ADAMTS8: variants seen among roughly 807,000 people sequenced by gnomAD.
ADAMTS8 encodes ADAM metallopeptidase with thrombospondin type 1 motif 8, also known as A disintegrin and metalloproteinase with thrombospondin motifs 8.
Under a neutral mutation model 64.4 loss-of-function variants are expected in ADAMTS8, and 50 were observed. The observed-to-expected ratio is 0.78, with a 90% CI of 0.62 to 0.98. The LOEUF is 0.98. Among genes scored for constraint, ADAMTS8 ranks in the 50% least tolerant of loss-of-function variants. ADAMTS8 has a pLI of 0.00. For synonymous variants in ADAMTS8, 556 were observed against 533.6 expected (o/e 1.04, Z -0.58); for missense variants, 1,192 against 1,208.2 (o/e 0.99, Z 0.20).
chr11:130,412,283 G>A (rs980240616), intron 5 of ADAMTS8, among the ~76,000 whole-genome samples: 4 of 152,120 alleles, frequency 2.6e-5, no homozygotes, highest in East Asian at 1.9e-4. Context: ...GCGTGATCTC[G>A]GCTCACTGCA....
intron 1 of ADAMTS8, among the ~76,000 whole-genome samples, chr11:130,422,394 C>T (rs554456228): frequency 2.0e-5 from 3 of 152,262 alleles, no homozygotes; most frequent in African/African-American, 2.4e-5. Context: ...AAGCCAGCTG[C>T]GGTGGGTGAT....
At chr11:130,419,371 A>G (rs910647870) in intron 1 of ADAMTS8, 79 bp from the exon 2 acceptor site, 29 of 1,575,852 alleles carry the variant, frequency 1.8e-5, no homozygotes, top group African/African-American at 2.7e-5. Flanking sequence ...CGCTGCCATC[A>G]CCTCTTGTTA....
intron 5 of ADAMTS8, among the ~76,000 whole-genome samples, chr11:130,413,366 G>C (rs1861976888): frequency 1.3e-5 from 2 of 152,154 alleles, no homozygotes; most frequent in African/African-American, 4.8e-5. Flanking sequence ...CATGAATCCT[G>C]CACCAGCTCA....
chr11:130,417,200 T>C, intron 2 of ADAMTS8, 125 bp from the exon 3 acceptor site: 2 of 982,990 alleles, frequency 2.0e-6, no homozygotes, highest in Admixed American at 2.3e-5. Context: ...ATAACATGTT[T>C]GCTGGCCTGT....
chr11:130,405,179 G>T lies in ADAMTS8; in HGVS notation c.*379C>A. ...CTCTCTTGTACTAATTTTTTCCCCT[G>T]TGAGGTAGATTATTTATCGGGGAAA... On this transcript the variant is annotated 3_prime_UTR_variant, in exon 9 of 9. Transcript: ENST00000257359. 9.8e-7 allele frequency: 1 copy of T among 1,015,614 alleles called. No homozygotes were observed. Among genetic ancestry groups the T allele is most frequent in the Non-Finnish European group, 1.2e-6 (1 of 849,674 alleles). 62.9% of individuals were successfully genotyped at this position (1,015,614 alleles called of 1,614,324 possible).
chr11:130,416,346 T>C lies in ADAMTS8; in HGVS notation c.1097-16A>G. The C allele has an allele frequency of 6.5e-7, 1 of 1,547,238 alleles. No homozygotes were observed. Among genetic ancestry groups the C allele is most frequent in the Non-Finnish European group, 8.7e-7 (1 of 1,145,732 alleles). Reference sequence around the variant, plus strand: ...AGGACGTGCCCTGGGGAGAGAGGCCTGGTCCACTCCGCCCTGTCCTGCCTG... The same window carrying C: ...AGGACGTGCCCTGGGGAGAGAGGCCCGGTCCACTCCGCCCTGTCCTGCCTG... On this transcript the variant is annotated splice_polypyrimidine_tract_variant and intron_variant, in intron 3 of 8. Transcript: ENST00000257359. This position sits in a 1 kb window ranked among gnomAD's most constrained non-coding sequence, Gnocchi z 4.8.
Position 130,411,560 on chromosome 11 carries a change from C to T in ADAMTS8, c.1607G>A (p.Gly536Glu), listed in dbSNP as rs1167200802. 2 of 1,614,048 alleles carry T rather than the reference C, an allele frequency of 1.2e-6. No homozygotes were observed. The highest frequency in any genetic ancestry group is 1.7e-6 in the Non-Finnish European group (2 of 1,180,038). ...DGGWAPWGPW[G>E]ECSRTCGGGV... Reference sequence around the variant, plus strand: ...TCCTCCACAGGTCCGAGAACATTCTCCCCAGGGTCCCCACGGTGCCCAGCC... The same window carrying T: ...TCCTCCACAGGTCCGAGAACATTCTTCCCAGGGTCCCCACGGTGCCCAGCC... Residue 536 changes from glycine (G) to glutamate (E), a missense_variant, in exon 6 of 9, where the codon GGA becomes GAA. By Grantham distance (98) the Gly-to-Glu change is moderately conservative. Around this residue, in one of 5 missense-constraint regions of ADAMTS8, gnomAD observed 290 missense variants for 297.8 expected, o/e 0.97. Transcript: ENST00000257359. The surrounding 1 kb of genome is among the most constrained non-coding windows in gnomAD (Gnocchi z 4.2).
rs1276399979 is a variant in ADAMTS8, at chr11:130,411,644, A to G, written c.1567-44T>C. 1 of 1,600,584 alleles carries G rather than the reference A, an allele frequency of 6.2e-7. No individual in the cohort carries two copies. Among genetic ancestry groups the G allele is most frequent in the South Asian group, 1.1e-5 (1 of 89,700 alleles). On this transcript the variant is annotated intron_variant, in intron 5 of 8. Transcript: ENST00000257359. This position sits in a 1 kb window ranked among gnomAD's most constrained non-coding sequence, Gnocchi z 4.2. ...CACTGAATGAGGAGCAAAGGCCAGG[A>G]GGCTTCAGTATCTGTGTCACTGGGT...
chr11:130,413,414 C>T (rs1025614834), intron 5 of ADAMTS8, among the ~76,000 whole-genome samples: 3 of 152,176 alleles, frequency 2.0e-5, no homozygotes, highest in Non-Finnish European at 1.5e-5. Flanking sequence ...CTGGTGCAGG[C>T]GGGCTCCCAA....
intron 1 of ADAMTS8, among the ~76,000 whole-genome samples, chr11:130,422,642 A>C (rs1037766754): frequency 2.0e-5 from 3 of 152,338 alleles, no homozygotes; most frequent in Non-Finnish European, 4.4e-5. Context: ...AGAGGAGAAA[A>C]GAGCAACCTG....
chr11:130,416,034 G>T lies in ADAMTS8; in HGVS notation c.1264+129C>A. On this transcript the variant is annotated intron_variant, in intron 4 of 8. Coordinates refer to ENST00000257359, the MANE Select transcript of ADAMTS8 (RefSeq NM_007037.6). The surrounding 1 kb of genome is among the most constrained non-coding windows in gnomAD (Gnocchi z 4.8). ...CTTCGGGGGTGGTGTGAATGCCCCA[G>T]CGTGGGAGGCTGGCCGGGGACTCAG... 1 of 1,141,032 alleles carries T rather than the reference G, an allele frequency of 8.8e-7. No individual in the cohort carries two copies. Among genetic ancestry groups the T allele is most frequent in the Non-Finnish European group, 1.2e-6 (1 of 834,978 alleles). The allele number at this position is 1,141,032 out of a possible 1,614,324, so 70.7% of individuals were successfully genotyped here. A position where few individuals can be genotyped will look rare whatever the true frequency, so the allele number is the denominator to read the frequency against.
chr11:130,408,691 C>G (rs975210440), intron 7 of ADAMTS8, 52 bp from the exon 8 acceptor site: 1 of 1,611,578 alleles, frequency 6.2e-7, no homozygotes, highest in African/African-American at 1.3e-5. Flanking sequence ...ACAGAAGCAG[C>G]CTGCCGGGGG....
Position 130,428,173 on chromosome 11 carries a change from C to G in ADAMTS8, c.114G>C (p.Ser38=). The G allele has an allele frequency of 7.3e-7, 1 of 1,371,418 alleles. No homozygotes were observed. The allele number at this position is 1,371,418 out of a possible 1,614,324, so 85.0% of individuals were successfully genotyped here. A position where few individuals can be genotyped will look rare whatever the true frequency, so the allele number is the denominator to read the frequency against. ...PARPAAGGQA[S]ELVVPTRLPG... is the part of the protein sequence containing the mutation. Reference sequence around the variant, plus strand: ...GCAACCGCGTGGGCACCACCAGCTCCGAGGCCTGCCCCCCGGCTGCGGGCC... The same window carrying G: ...GCAACCGCGTGGGCACCACCAGCTCGGAGGCCTGCCCCCCGGCTGCGGGCC... Residue 38 remains serine (S), a synonymous_variant, in exon 1 of 9, where the codon TCG becomes TCC. Transcript: ENST00000257359.
intron 1 of ADAMTS8, among the ~76,000 whole-genome samples, chr11:130,426,273 C>G (rs1862165763): frequency 1.3e-5 from 2 of 152,054 alleles, no homozygotes; most frequent in African/African-American, 4.8e-5. Flanking sequence ...CCTACCCTGC[C>G]TTTCCCAGTG....
chr11:130,415,030 G>A (rs1008675041), intron 4 of ADAMTS8, among the ~76,000 whole-genome samples, 198 bp from the exon 5 acceptor site: 2 of 152,204 alleles, frequency 1.3e-5, no homozygotes, highest in African/African-American at 2.4e-5. Context: ...CTTCAGGACC[G>A]ACTTTCCTTT....
intron 4 of ADAMTS8, among the ~76,000 whole-genome samples, 186 bp downstream of exon 4, chr11:130,415,977 C>T (rs999268686): frequency 1.3e-5 from 2 of 152,232 alleles, no homozygotes; most frequent in Non-Finnish European, 2.9e-5. Context: ...GCGCAGAACT[C>T]GGCTGCTGGA....
At position 130,405,630 on chromosome 11, in the gene ADAMTS8, G is replaced by A; in HGVS notation, c.2598C>T (p.Ala866=). 1 of 1,613,794 alleles carries A rather than the reference G, an allele frequency of 6.2e-7. No individual in the cohort carries two copies. Among genetic ancestry groups the A allele is most frequent in the South Asian group, 1.1e-5 (1 of 91,066 alleles). ...TCAGAGCCTTGTTGCAGGTGGCAGAGGCCTGGCCGGAGGGGTCCCTGCACT... is the reference window on the plus strand; with the variant it reads ...TCAGAGCCTTGTTGCAGGTGGCAGAAGCCTGGCCGGAGGGGTCCCTGCACT... ...TVECRDPSGQ[A]SATCNKALKP... is the part of the protein sequence containing the mutation. Residue 866 remains alanine, a synonymous_variant, in exon 9 of 9, where the codon GCC becomes GCT. Coordinates refer to ENST00000257359, the MANE Select transcript of ADAMTS8 (RefSeq NM_007037.6).
Position 130,419,134 on chromosome 11 carries a change from G to A in ADAMTS8, c.879C>T (p.Phe293=). ...GGTTGAAACGCCGCTGCCAGTTGCAGAAGTTACGCAGTGTAAGCCCCCCAT... is the reference window on the plus strand; with the variant it reads ...GGTTGAAACGCCGCTGCCAGTTGCAAAAGTTACGCAGTGTAAGCCCCCCAT... ...SDNGGLTLRN[F]CNWQRRFNQP... is the part of the protein sequence containing the mutation. Residue 293 remains phenylalanine (F), a synonymous_variant, in exon 2 of 9, where the codon TTC becomes TTT. Coordinates refer to ENST00000257359, the MANE Select transcript of ADAMTS8 (RefSeq NM_007037.6). The A allele has an allele frequency of 6.2e-7, 1 of 1,614,236 alleles. No homozygotes were observed. The highest frequency in any genetic ancestry group is 1.1e-5 in the South Asian group (1 of 91,088).
chr11:130,414,701 T>C lies in ADAMTS8; in HGVS notation c.1396A>G (p.Thr466Ala), dbSNP rs200212101. 1,838 of 1,613,710 alleles carry C rather than the reference T, an allele frequency of 1.1e-3. 13 individuals carry two copies. Among genetic ancestry groups the C allele is most frequent in the Non-Finnish European group, 8.1e-4 (954 of 1,180,000 alleles). ...FGPDFRHCPN[T>A]SAQDVCAQLW... Reference sequence around the variant, plus strand: ...TGGGCGCAGACGTCCTGAGCAGAGGTGTTGGGGCAGTGGCGGAAATCCGGC... The same window carrying C: ...TGGGCGCAGACGTCCTGAGCAGAGGCGTTGGGGCAGTGGCGGAAATCCGGC... The change falls in exon 5 of 9, where the codon ACC becomes GCC. Residue 466 changes from threonine to alanine, a missense_variant. By Grantham distance (58) the Thr-to-Ala change is moderately conservative. Around this residue, in one of 5 missense-constraint regions of ADAMTS8, gnomAD observed 741 missense variants for 710.6 expected, o/e 1.04. Coordinates refer to ENST00000257359, the MANE Select transcript of ADAMTS8 (RefSeq NM_007037.6).
Sources: allele counts gnomAD v4.1 joint callset (sites outside exome capture counted in the v4.1 genomes callset), GRCh38; gene constraint gnomAD v4.1.1; regional missense constraint gnomAD v4.1.1; non-coding constraint Gnocchi (gnomAD v3.1); transcripts MANE v1.5; gene names NCBI Gene and HGNC (gene_info 2026-07-23, HGNC 2026-07-21).